PRDM5: variants seen among roughly 807,000 people sequenced by gnomAD.
PRDM5 encodes PR/SET domain 5.
In PRDM5, 56 loss-of-function variants were observed where a neutral mutation model predicts 81.2. That is an observed-to-expected ratio of 0.69 (90% confidence interval 0.56 to 0.86). The LOEUF is 0.86. Ranked by LOEUF, PRDM5 falls within the 40% of genes least tolerant of loss-of-function variation. The pLI is 0.00. For missense variants in PRDM5, 697 were observed against 770.1 expected (o/e 0.91, Z 1.12); for synonymous variants, 267 against 256.4 (o/e 1.04, Z -0.39).
intron 3 of PRDM5, among the ~76,000 whole-genome samples, chr4:120,833,637 A>G (rs1756980185): frequency 6.6e-6 from 1 of 152,194 alleles, no homozygotes; most frequent in Non-Finnish European, 1.5e-5. Flanking sequence ...AACTGCAAAA[A>G]TTATAGCCAC....
chr4:120,790,110 A>G (rs1353276146), intron 10 of PRDM5, among the ~76,000 whole-genome samples: 1 of 152,226 alleles, frequency 6.6e-6, no homozygotes, highest in African/African-American at 2.4e-5. Flanking sequence ...GGTAAGAGCC[A>G]TAACTCATGT....
chr4:120,756,893 C>T (rs843557), intron 13 of PRDM5, among the ~76,000 whole-genome samples: 4 of 151,860 alleles, frequency 2.6e-5, no homozygotes, highest in Admixed American at 2.6e-4. Context: ...TTTACACTTA[C>T]GTAAAATTAT....
At chr4:120,828,455 C>T (rs1756310630) in intron 3 of PRDM5, among the ~76,000 whole-genome samples, 1 of 151,950 alleles carries the variant, frequency 6.6e-6, no homozygotes, top group Non-Finnish European at 1.5e-5. Flanking sequence ...CAATCTAGAA[C>T]CTGAGGCTAG....
intron 3 of PRDM5, among the ~76,000 whole-genome samples, chr4:120,824,939 A>G (rs1171696478): frequency 1.3e-5 from 2 of 152,110 alleles, no homozygotes; most frequent in East Asian, 1.9e-4. Flanking sequence ...GCTCCTCTAC[A>G]TTTTATAATT....
At chr4:120,754,225 G>A (rs1313245750) in intron 14 of PRDM5, among the ~76,000 whole-genome samples, 3 of 151,992 alleles carry the variant, frequency 2.0e-5, no homozygotes, top group Admixed American at 6.5e-5. Context: ...TCCTATTACT[G>A]GTGAATATTC....
intron 8 of PRDM5, among the ~76,000 whole-genome samples, chr4:120,802,627 A>G (rs769626077): frequency 5.3e-5 from 8 of 152,256 alleles, no homozygotes; most frequent in Non-Finnish European, 1.0e-4. Context: ...AAACTCCAAC[A>G]GACCTGCAGT....
intron 3 of PRDM5, among the ~76,000 whole-genome samples, chr4:120,847,748 C>T (rs903600207): frequency 7.2e-5 from 11 of 152,128 alleles, no homozygotes; most frequent in African/African-American, 2.7e-4. Context: ...AGTCATTCTG[C>T]AAATAACTCA....
intron 7 of PRDM5, among the ~76,000 whole-genome samples, chr4:120,812,391 A>G (rs1386597025): frequency 6.6e-6 from 1 of 152,108 alleles, no homozygotes; most frequent in East Asian, 1.9e-4. Context: ...ATTCCCACCA[A>G]CAGTGTACAA....
At chr4:120,902,050 A>G (rs1326899278) in intron 2 of PRDM5, among the ~76,000 whole-genome samples, 1 of 152,242 alleles carries the variant, frequency 6.6e-6, no homozygotes, top group Non-Finnish European at 1.5e-5. Context: ...CAAGTTTCTG[A>G]GAACTTATCA....
intron 3 of PRDM5, among the ~76,000 whole-genome samples, chr4:120,847,327 C>G (rs1257649712): frequency 1.3e-5 from 2 of 152,032 alleles, no homozygotes; most frequent in Non-Finnish European, 2.9e-5. Flanking sequence ...CTCTTTCTCT[C>G]TCTCTCTCAC....
intron 2 of PRDM5, among the ~76,000 whole-genome samples, chr4:120,872,043 C>T (rs1761856905): frequency 6.7e-6 from 1 of 150,368 alleles, no homozygotes; most frequent in Non-Finnish European, 1.5e-5. Context: ...CCCACCTACT[C>T]AGGAGGCTGA....
intron 12 of PRDM5, 104 bp from the exon 13 acceptor site, chr4:120,777,385 T>G: frequency 6.5e-7 from 1 of 1,541,190 alleles, no homozygotes; most frequent in Non-Finnish European, 8.8e-7. Flanking sequence ...AGGATTACAT[T>G]TCATTAAAAT....
chr4:120,689,476 T>G (rs1276267641), downstream of PRDM5, among the ~76,000 whole-genome samples: 1 of 152,160 alleles, frequency 6.6e-6, no homozygotes, highest in Non-Finnish European at 1.5e-5. Flanking sequence ...CAAACAATTA[T>G]TTTACTTATG....
At chr4:120,728,982 G>A (rs1175214767) in intron 14 of PRDM5, among the ~76,000 whole-genome samples, 1 of 152,202 alleles carries the variant, frequency 6.6e-6, no homozygotes, top group African/African-American at 2.4e-5. Flanking sequence ...TTCCTCAGAA[G>A]CTAGGAAACT....
chr4:120,880,165 T>C (rs900497122), intron 2 of PRDM5, among the ~76,000 whole-genome samples: 1 of 152,178 alleles, frequency 6.6e-6, no homozygotes, highest in African/African-American at 2.4e-5. Context: ...TTTCTGTTAA[T>C]ATACTTCAAA....
chr4:120,909,322 C>T (rs376632254), intron 1 of PRDM5, among the ~76,000 whole-genome samples: 15 of 152,268 alleles, frequency 9.9e-5, no homozygotes, highest in African/African-American at 3.1e-4. Flanking sequence ...TACAATTTAG[C>T]AATGACCTGG....
chr4:120,712,600 C>T (rs920295570), intron 14 of PRDM5, among the ~76,000 whole-genome samples: 1 of 152,132 alleles, frequency 6.6e-6, no homozygotes, highest in Non-Finnish European at 1.5e-5. Flanking sequence ...TACATTGTTA[C>T]TACCTATGTA....
chr4:120,745,450 G>A (rs1328963318), intron 14 of PRDM5, among the ~76,000 whole-genome samples: 2 of 148,978 alleles, frequency 1.3e-5, no homozygotes, highest in Non-Finnish European at 3.0e-5. Context: ...GGCAGGAGAA[G>A]GAAATAAAGG....
chr4:120,705,265 A>G (rs1560912589), intron 15 of PRDM5, among the ~76,000 whole-genome samples: 1 of 152,244 alleles, frequency 6.6e-6, no homozygotes, highest in Non-Finnish European at 1.5e-5. Flanking sequence ...TGAGGATCCA[A>G]CAATAAATGA....
Sources: allele counts gnomAD v4.1 joint callset (sites outside exome capture counted in the v4.1 genomes callset), GRCh38; gene constraint gnomAD v4.1.1; transcripts MANE v1.5; gene names NCBI Gene and HGNC (gene_info 2026-07-23, HGNC 2026-07-21).